The following SPATA13 variants were observed in gnomAD, a reference collection of about 807,000 sequenced individuals.
The protein encoded by SPATA13 is spermatogenesis-associated protein 13.
In SPATA13, 50 loss-of-function variants were observed where a neutral mutation model predicts 104.0. The ratio of observed to expected loss-of-function variants is 0.48; its 90% CI spans 0.38 to 0.61. The LOEUF (loss-of-function observed/expected upper bound fraction) is 0.61, where lower values mean the gene tolerates loss of function less well. SPATA13 is among the 20% of genes least tolerant of loss of function. SPATA13 has a pLI of 0.00. For synonymous variants in SPATA13, 606 were observed against 667.5 expected (o/e 0.91, Z 1.42); for missense variants, 1,524 against 1,690.6 (o/e 0.90, Z 1.73).
At chr13:24,081,398 G>A (rs1356173554) in intron 3 of SPATA13, among the ~76,000 whole-genome samples, 1 of 151,956 alleles carries the variant, frequency 6.6e-6, no homozygotes, top group African/African-American at 2.4e-5. Flanking sequence ...CCCAGCCTAA[G>A]CACTTATGTC....
chr13:23,984,523 C>T (rs940988403), intron 2 of SPATA13, among the ~76,000 whole-genome samples: 1 of 152,178 alleles, frequency 6.6e-6, no homozygotes, highest in African/African-American at 2.4e-5. Flanking sequence ...TCCTTCCCAC[C>T]GTGAGTGGTG....
At chr13:24,202,421 C>T (rs889812145) in intron 1 of SPATA13, among the ~76,000 whole-genome samples, 13 of 152,082 alleles carry the variant, frequency 8.5e-5, no homozygotes, top group Admixed American at 4.6e-4. Context: ...GGGAACGGCC[C>T]GTTCCTGAGC....
rs745915545 is a variant in SPATA13 at position 24,224,369 on chromosome 13, C to T, written c.1440C>T (p.Pro480=). The T allele has an allele frequency of 2.7e-5, 42 of 1,551,592 alleles. 1 individual carries two copies. Among genetic ancestry groups the T allele is most frequent in the Middle Eastern group, 3.3e-4 (2 of 6,014 alleles). ...AGAGCCCTCAGAGCCCCCAGAGCCCCGGGGCAGGAAGTGCCAGCTGTCACA... is the reference window on the plus strand; with the variant it reads ...AGAGCCCTCAGAGCCCCCAGAGCCCTGGGGCAGGAAGTGCCAGCTGTCACA... ...KPQSPQSPQS[P]GAGSASCHSN... is the part of the protein sequence containing the mutation. The change falls in exon 2 of 13, where the codon CCC becomes CCT. Residue 480 remains proline, a synonymous_variant. Transcript: ENST00000382108.
At chr13:24,234,233 A>C (rs1182352945) in intron 2 of SPATA13, among the ~76,000 whole-genome samples, 1 of 152,218 alleles carries the variant, frequency 6.6e-6, no homozygotes, top group Non-Finnish European at 1.5e-5. Context: ...GATAGGAAGC[A>C]ATATCATAAT....
intron 3 of SPATA13, among the ~76,000 whole-genome samples, chr13:24,112,500 C>CG (rs1279793580): frequency 3.3e-5 from 5 of 152,152 alleles, no homozygotes; most frequent in African/African-American, 1.2e-4. Flanking sequence ...TGCTCAGCCA[C>CG]GGAAGTAGCA....
At chr13:24,139,831 G>A (rs1881692800) in intron 3 of SPATA13, among the ~76,000 whole-genome samples, 1 of 152,172 alleles carries the variant, frequency 6.6e-6, no homozygotes, top group Non-Finnish European at 1.5e-5. Flanking sequence ...ACTTTGGGAG[G>A]CCAAGGAGGG....
chr13:24,264,226 A>C (rs549279639), intron 4 of SPATA13, among the ~76,000 whole-genome samples: 3 of 152,338 alleles, frequency 2.0e-5, no homozygotes, highest in East Asian at 3.9e-4. Context: ...AAAAAGTAAA[A>C]GTTATTGAAA....
At chr13:24,135,662 C>T (rs1318378726) in intron 3 of SPATA13, among the ~76,000 whole-genome samples, 1 of 142,208 alleles carries the variant, frequency 7.0e-6, no homozygotes, top group African/African-American at 2.6e-5. Flanking sequence ...CCCACCACTG[C>T]ACTCCTGCCT....
Position 24,111,791 on chromosome 13 carries a change from G to C in SPATA13, c.-112+94090G>C, listed in dbSNP as rs73459064. Among the ~76,000 whole-genome samples the C allele has an allele frequency of 4.2e-3, 634 of 152,298 alleles. 2 individuals are homozygous for C. Among genetic ancestry groups the C allele is most frequent in the African/African-American group, 0.013 (556 of 41,562 alleles). On this transcript the variant is annotated intron_variant, in intron 3 of 14. Transcript: ENST00000424834. ...ATCCTTGCATTTCCTACTTGGTCAT[G>C]ATAGCTATTTTAAAATAGATTGTTA...
chr13:24,245,107 T>C (rs563324764), intron 2 of SPATA13, among the ~76,000 whole-genome samples: 47 of 152,298 alleles, frequency 3.1e-4, no homozygotes, highest in Admixed American at 2.6e-3. Flanking sequence ...GCTGCATGTT[T>C]CTTTGGTGCA....
At chr13:24,008,811 T>C (rs758901056) in intron 2 of SPATA13, among the ~76,000 whole-genome samples, 1 of 152,096 alleles carries the variant, frequency 6.6e-6, no homozygotes, top group Non-Finnish European at 1.5e-5. Flanking sequence ...CTCTCAGGCC[T>C]ATCTTCTGCA....
In SPATA13 at chr13:24,222,842, T is replaced by C; in HGVS notation, c.-88T>C. The stretch of plus-strand genomic sequence containing the variant: ...AGCCCGTGGCCACCCAGGAGCCCGA[T>C]GTGCAAGGCAGGTGTGAGTGCCAGG... On this transcript the variant is annotated 5_prime_UTR_variant, in exon 2 of 13. It removes an upstream start codon present in the reference 5' UTR. Coordinates refer to ENST00000382108, the MANE Select transcript of SPATA13 (RefSeq NM_001166271.3). The C allele has an allele frequency of 2.0e-6, 3 of 1,524,820 alleles. No homozygotes were observed. Among genetic ancestry groups the C allele is most frequent in the Non-Finnish European group, 1.8e-6 (2 of 1,130,468 alleles). The allele number at this position is 1,524,820 out of a possible 1,614,324, so 94.5% of individuals were successfully genotyped here. A position where few individuals can be genotyped will look rare whatever the true frequency, so the allele number is the denominator to read the frequency against.
intron 4 of SPATA13, among the ~76,000 whole-genome samples, chr13:24,263,476 G>A (rs1192736441): frequency 1.3e-5 from 2 of 152,158 alleles, no homozygotes; most frequent in African/African-American, 4.8e-5. Flanking sequence ...GAGGGGGATT[G>A]GTTCCAGGAC....
chr13:24,087,052 G>A (rs1879748740), intron 3 of SPATA13, among the ~76,000 whole-genome samples: 1 of 152,220 alleles, frequency 6.6e-6, no homozygotes, highest in Non-Finnish European at 1.5e-5. Flanking sequence ...AACAGTGGCA[G>A]TTGCTCTCAT....
rs1479039969 is a variant in SPATA13, at chr13:24,049,934, A to G, written c.-112+32233A>G. Among the ~76,000 whole-genome samples, 10 of 152,286 alleles carry G rather than the reference A, an allele frequency of 6.6e-5. No individual in the cohort carries two copies. The East Asian group carries it at 1.5e-3, about 24-fold the overall frequency. ...GTCGCCCAGGCTGGAGTGCAGTAGC[A>G]CAATCTCAGCTCACTGCACCCTCTG... is the stretch of plus-strand genomic sequence containing the variant. On this transcript the variant is annotated intron_variant, in intron 3 of 14. Transcript: ENST00000424834.
At chr13:24,281,330 T>C (rs1402445618) in intron 4 of SPATA13, among the ~76,000 whole-genome samples, 3 of 152,158 alleles carry the variant, frequency 2.0e-5, no homozygotes, top group African/African-American at 4.8e-5. Context: ...TGACCAAAAC[T>C]GGGGATGGGC....
intron 4 of SPATA13, among the ~76,000 whole-genome samples, chr13:24,260,191 A>G (rs1873990588): frequency 6.6e-6 from 1 of 152,160 alleles, no homozygotes; most frequent in African/African-American, 2.4e-5. Context: ...GCCCTCATGG[A>G]GGAAATGACC....
chr13:24,041,887 G>A (rs376852922), intron 3 of SPATA13, among the ~76,000 whole-genome samples: 42 of 152,338 alleles, frequency 2.8e-4, no homozygotes, highest in African/African-American at 9.9e-4. Context: ...CAAAGAGCAG[G>A]TGGAATCAGA....
Position 24,249,780 on chromosome 13 carries a change from A to T in SPATA13, c.1957A>T (p.Ile653Leu). The T allele has an allele frequency of 6.2e-7, 1 of 1,613,932 alleles. No homozygotes were observed. Among genetic ancestry groups the T allele is most frequent in the Non-Finnish European group, 8.5e-7 (1 of 1,180,008 alleles). The change falls in exon 3 of 13, where the codon ATA (isoleucine) becomes TTA (leucine). Residue 653 changes from isoleucine (I) to leucine (L), a missense_variant. This residue lies in a region of SPATA13 where 1,089 missense variants were observed against 1,135.9 expected (regional missense o/e 0.96). Transcript: ENST00000382108. The stretch of plus-strand genomic sequence containing the variant: ...CCGGAGAAGGCGCCCCATTTCCGTG[A>T]TAGGTGGGGTCAGCTTGTATGGGAC... ...GARRRRPISV[I>L]GGVSLYGTNQ...
Sources: allele counts gnomAD v4.1 joint callset (sites outside exome capture counted in the v4.1 genomes callset), GRCh38; gene constraint gnomAD v4.1.1; regional missense constraint gnomAD v4.1.1; transcripts MANE v1.5; gene names NCBI Gene and HGNC (gene_info 2026-07-23, HGNC 2026-07-21).